PRKACB: variants seen among roughly 807,000 people sequenced by gnomAD.
PRKACB encodes the protein protein kinase cAMP-activated catalytic subunit beta.
In PRKACB, 16 loss-of-function variants were observed where a neutral mutation model predicts 51.4. The observed-to-expected ratio is 0.31, with a 90% CI of 0.21 to 0.47. The LOEUF (loss-of-function observed/expected upper bound fraction) is 0.47, where lower values mean the gene tolerates loss of function less well. PRKACB is among the 20% of genes least tolerant of loss of function. The pLI, the probability that PRKACB is intolerant of heterozygous loss-of-function variation, is 1.00. For synonymous variants in PRKACB, 147 were observed against 154.4 expected (o/e 0.95, Z 0.35); for missense variants, 309 against 464.5 (o/e 0.67, Z 3.08).
At chr1:84,215,823 A>G (rs1009864702) in intron 9 of PRKACB, among the ~76,000 whole-genome samples, 1 of 152,170 alleles carries the variant, frequency 6.6e-6, no homozygotes, top group East Asian at 1.9e-4. Context: ...TTACATGCTT[A>G]AAGATGATTT....
At chr1:84,186,054 A>C (rs1472944153) in intron 5 of PRKACB, among the ~76,000 whole-genome samples, 1 of 152,076 alleles carries the variant, frequency 6.6e-6, no homozygotes, top group East Asian at 1.9e-4. Flanking sequence ...AGCACTAGTT[A>C]AGTTTTGGGG....
At position 84,213,773 on chromosome 1, in the gene PRKACB, G is replaced by C. The variant is rs561418198; in HGVS notation, c.907-380G>C. Among the ~76,000 whole-genome samples the C allele has an allele frequency of 2.6e-5, 4 of 152,188 alleles. No homozygotes were observed. In the South Asian group the frequency reaches 8.3e-4, roughly 32 times the overall value. On this transcript the variant is annotated intron_variant, in intron 8 of 9. Transcript: ENST00000370685. ...CTGGTTCTTCTATTTATATTACAAA[G>C]TTAAATTTATGTATCTTTGAGACAC... is the stretch of plus-strand genomic sequence containing the variant.
chr1:84,187,921 T>G (rs1665652468), intron 5 of PRKACB, among the ~76,000 whole-genome samples: 1 of 152,098 alleles, frequency 6.6e-6, no homozygotes, highest in South Asian at 2.1e-4. Flanking sequence ...GAGAAACCCT[T>G]GAAGTCAGGC....
intron 9 of PRKACB, among the ~76,000 whole-genome samples, chr1:84,225,718 T>A (rs148564566): frequency 5.3e-5 from 8 of 152,190 alleles, no homozygotes; most frequent in Non-Finnish European, 1.2e-4. Context: ...TCACGAGGGT[T>A]GTGGGGATCT....
At chr1:84,098,199 AG>A (rs1439570580) in intron 1 of PRKACB, among the ~76,000 whole-genome samples, 3 of 152,142 alleles carry the variant, frequency 2.0e-5, no homozygotes, top group African/African-American at 7.2e-5. Flanking sequence ...TACTGGGAAA[AG>A]AAAATAGGAG....
At chr1:84,176,002 A>AT (rs1314944257) in intron 1 of PRKACB, among the ~76,000 whole-genome samples, 1 of 151,628 alleles carries the variant, frequency 6.6e-6, no homozygotes, top group Non-Finnish European at 1.5e-5. Flanking sequence ...TCTTTGAAGG[A>AT]TTTTTTTCTT....
At chr1:84,170,966 A>G (rs1028533894) in intron 1 of PRKACB, among the ~76,000 whole-genome samples, 2 of 151,724 alleles carry the variant, frequency 1.3e-5, no homozygotes, top group South Asian at 4.2e-4. Flanking sequence ...GTATTCAACA[A>G]ATTTCAAATG....
chr1:84,179,666 G>T (rs1363644634), intron 2 of PRKACB, among the ~76,000 whole-genome samples: 1 of 151,670 alleles, frequency 6.6e-6, no homozygotes, highest in Non-Finnish European at 1.5e-5. Flanking sequence ...TCATCATTTT[G>T]ATGGGTTATG....
chr1:84,161,384 A>T (rs896009833), intron 1 of PRKACB, among the ~76,000 whole-genome samples: 1 of 151,864 alleles, frequency 6.6e-6, no homozygotes, highest in South Asian at 2.1e-4. Flanking sequence ...TATAGATGTT[A>T]TATAGTTTGA....
chr1:84,093,889 T>A (rs1450533761), intron 1 of PRKACB, among the ~76,000 whole-genome samples: 1 of 151,978 alleles, frequency 6.6e-6, no homozygotes, highest in Admixed American at 6.6e-5. Flanking sequence ...GGTATCAGTG[T>A]CAAAGTTTTA....
chr1:84,092,531 A>G (rs1648560647), intron 1 of PRKACB, among the ~76,000 whole-genome samples: 1 of 152,122 alleles, frequency 6.6e-6, no homozygotes, highest in African/African-American at 2.4e-5. Flanking sequence ...TTTGATGAAT[A>G]TGTGTTATGT....
intron 8 of PRKACB, among the ~76,000 whole-genome samples, chr1:84,208,819 C>T (rs1558286650): frequency 6.6e-6 from 1 of 152,158 alleles, no homozygotes; most frequent in Admixed American, 6.5e-5. Flanking sequence ...GATATACTCT[C>T]ATTGTTTTAT....
chr1:84,110,101 T>C (rs1400870941), intron 1 of PRKACB, among the ~76,000 whole-genome samples: 3 of 151,788 alleles, frequency 2.0e-5, no homozygotes, highest in African/African-American at 7.3e-5. Context: ...GATTTTCCCA[T>C]AAAAACATGA....
At chr1:84,214,492 ATTT>A (rs200259148) in intron 9 of PRKACB, among the ~76,000 whole-genome samples, 175 bp downstream of exon 9, 3,526 of 136,696 alleles carry the variant, frequency 0.026, 45 homozygotes, top group Middle Eastern at 0.038. Flanking sequence ...TCCCCCTAGA[ATTT>A]TTTTTTTTTT....
chr1:84,160,650 AT>A (rs1165599675), intron 1 of PRKACB, among the ~76,000 whole-genome samples: 1 of 149,602 alleles, frequency 6.7e-6, no homozygotes, highest in African/African-American at 2.4e-5. Flanking sequence ...AAAGCTATGA[AT>A]TTTTTTTCTA....
At chr1:84,168,821 C>T (rs1035727349) in intron 1 of PRKACB, among the ~76,000 whole-genome samples, 4 of 151,552 alleles carry the variant, frequency 2.6e-5, no homozygotes, top group Admixed American at 2.6e-4. Flanking sequence ...TATAGTGGGA[C>T]AACCAAGAAT....
chr1:84,082,691 T>C (rs1647644538), intron 1 of PRKACB, among the ~76,000 whole-genome samples: 1 of 152,208 alleles, frequency 6.6e-6, no homozygotes, highest in South Asian at 2.1e-4. Context: ...TGCTGTCCAC[T>C]GTAGTAGCTA....
At position 84,212,344 on chromosome 1, in the gene PRKACB, A is replaced by T. The variant is rs531053675; in HGVS notation, c.907-1809A>T. Among the ~76,000 whole-genome samples the T allele has an allele frequency of 2.0e-5, 3 of 147,464 alleles. No homozygotes were observed. In the East Asian group the frequency reaches 5.8e-4, roughly 28 times the overall value. On this transcript the variant is annotated intron_variant, in intron 8 of 9. Transcript: ENST00000370685. ...GGGTCCTAGGACCAGATTTTGAAAA[A>T]ATTTACTTATAGACTAGCACAAAAG...
chr1:84,141,373 T>G (rs757467230), upstream of PRKACB, among the ~76,000 whole-genome samples: 7 of 152,124 alleles, frequency 4.6e-5, no homozygotes, highest in Non-Finnish European at 8.8e-5. Context: ...TAGCAGTAGA[T>G]GCCAGTAGAG....
Sources: gnomAD v4.1 joint callset for allele counts (sites outside exome capture counted in the v4.1 genomes callset) on GRCh38, gnomAD v4.1.1 for gene constraint, MANE v1.5 for transcripts, NCBI Gene and HGNC (gene_info 2026-07-23, HGNC 2026-07-21) for gene names.